Variants in ABCD4 observed in about 807,000 individuals in gnomAD.
ABCD4 encodes the protein ATP binding cassette subfamily D member 4.
A neutral mutation model predicts 86.3 loss-of-function variants in ABCD4; 53 were observed. The observed-to-expected ratio is 0.61, with a 90% CI of 0.49 to 0.77. ABCD4 has a LOEUF of 0.77. Among genes scored for constraint, ABCD4 ranks in the 30% least tolerant of loss-of-function variants. ABCD4 has a pLI of 0.00. For synonymous variants in ABCD4, 328 were observed against 313.6 expected (o/e 1.05, Z -0.49); for missense variants, 757 against 764.5 (o/e 0.99, Z 0.12).
At chr14:74,292,201 G>A in intron 11 of ABCD4, 86 bp downstream of exon 11, 5 of 1,266,342 alleles carry the variant, frequency 3.9e-6, no homozygotes, top group Non-Finnish European at 5.7e-6. Flanking sequence ...TGCCCAGCTG[G>A]GAAAGGGCAG....
intron 13 of ABCD4, chr14:74,289,779 T>C: frequency 7.0e-7 from 1 of 1,436,088 alleles, no homozygotes; most frequent in Non-Finnish European, 9.1e-7. Flanking sequence ...GTGTTTGACA[T>C]ACGCGTGTGG....
chr14:74,288,127 T>C (rs2080339314), intron 16 of ABCD4, 80 bp downstream of exon 16: 1 of 1,497,448 alleles, frequency 6.7e-7, no homozygotes, highest in South Asian at 1.2e-5. Flanking sequence ...TCAGGAGCCG[T>C]TCCATTCCTT....
Position 74,298,597 on chromosome 14 carries a change from C to T in ABCD4, c.286-528G>A, listed in dbSNP as rs555994513. ...CCTTCACCAAATATTAAAGGGCTTA[C>T]CAGAGGCAAGACCCTCTTTCTACAC... On this transcript the variant is annotated intron_variant, in intron 3 of 18. Transcript: ENST00000356924. Among the ~76,000 whole-genome samples the T allele has an allele frequency of 1.4e-4, 21 of 152,200 alleles. 1 individual carries two copies. The highest frequency in any genetic ancestry group is 3.9e-4 in the African/African-American group (16 of 41,536).
chr14:74,302,750 C>A, intron 1 of ABCD4, 125 bp downstream of exon 1: 1 of 1,164,178 alleles, frequency 8.6e-7, no homozygotes, highest in South Asian at 1.9e-5. Flanking sequence ...TCCTCTTTCT[C>A]TCAGAAGTCA....
intron 2 of ABCD4, chr14:74,299,896 T>C: frequency 1.7e-6 from 1 of 580,122 alleles, no homozygotes; most frequent in Non-Finnish European, 3.0e-6. Flanking sequence ...ACCCTGTCTT[T>C]ACTGAAAAAT....
At chr14:74,294,987 AGGCAGGCAAG>A in intron 7 of ABCD4, 151 bp downstream of exon 7, 1 of 799,310 alleles carries the variant, frequency 1.3e-6, no homozygotes, top group Admixed American at 2.4e-5. Flanking sequence ...CCTAAGGATG[AGGCAGGCAAG>A]GGCAGGGGGA....
chr14:74,300,434 G>A (rs926355843), intron 1 of ABCD4, among the ~76,000 whole-genome samples, 166 bp from the exon 2 acceptor site: 2 of 151,632 alleles, frequency 1.3e-5, no homozygotes, highest in Non-Finnish European at 2.9e-5. Context: ...CGGATACAAA[G>A]GAAATTCTTT....
chr14:74,289,920 C>A (rs1244915732), intron 13 of ABCD4, 107 bp downstream of exon 13: 2 of 1,570,772 alleles, frequency 1.3e-6, no homozygotes, highest in Non-Finnish European at 1.7e-6. Context: ...CACCACCTCA[C>A]CTTTTGCCCT....
chr14:74,292,585 T>A lies in ABCD4; in HGVS notation c.994A>T (p.Thr332Ser), dbSNP rs753856088. Residue 332 changes from threonine (T) to serine (S), a missense_variant, in exon 10 of 19, where the codon ACG (threonine) becomes TCG (serine). Transcript: ENST00000356924. ...SCFTQLIDLS[T>S]TLSDVAGYTH... ...TAGCCAGCCACATCTGAGAGCGTCG[T>A]GGACAGGTCGATGAGCTGGGTGAAG... is the stretch of plus-strand genomic sequence containing the variant. 3.1e-6 allele frequency: 5 copies of A among 1,614,048 alleles called. No homozygotes were observed. The Admixed American group carries it at 6.7e-5, about 22-fold the overall frequency.
In ABCD4 at chr14:74,285,997, T is replaced by G. The variant is rs2079665112; in HGVS notation, c.*464A>C. On this transcript the variant is annotated 3_prime_UTR_variant, in exon 19 of 19. Coordinates refer to ENST00000356924, the MANE Select transcript of ABCD4 (RefSeq NM_005050.4). ...AGAGAAGACAGAAAGCTGTAATTCT[T>G]TTTAATGTTTAACTTTTCTTTGTAA... 1 of 153,758 alleles carries G rather than the reference T, an allele frequency of 6.5e-6. No homozygotes were observed. The highest frequency in any genetic ancestry group is 1.4e-5 in the Non-Finnish European group (1 of 69,182). The allele number at this position is 153,758 out of a possible 1,614,324, so 9.5% of individuals were successfully genotyped here.
rs1333962311 is a variant in ABCD4 at position 74,290,838 on chromosome 14, C to T, written c.1119-339G>A. ...TAGCTGGATTACAGGTGCCCACCAC[C>T]GTGCCCATATTTTTAGTAGAGACAG... is the stretch of plus-strand genomic sequence containing the variant. On this transcript the variant is annotated intron_variant, in intron 11 of 18. Coordinates refer to ENST00000356924, the MANE Select transcript of ABCD4 (RefSeq NM_005050.4). Among the ~76,000 whole-genome samples the T allele has an allele frequency of 2.6e-5, 4 of 152,030 alleles. 1 individual carries two copies. The highest frequency in any genetic ancestry group is 5.9e-5 in the Non-Finnish European group (4 of 67,964).
Position 74,286,315 on chromosome 14 carries a change from G to A in ABCD4, c.*146C>T. ...CTAGACCTGGGCTCAGCCCACCACT[G>A]CTAGGGGTCCTGCACAGGACCCATG... On this transcript the variant is annotated 3_prime_UTR_variant, in exon 19 of 19. Transcript: ENST00000356924. 2 of 791,064 alleles carry A rather than the reference G, an allele frequency of 2.5e-6. No homozygotes were observed. The highest frequency in any genetic ancestry group is 4.2e-6 in the Non-Finnish European group (2 of 481,918). The allele number at this position is 791,064 out of a possible 1,614,324, so 49.0% of individuals were successfully genotyped here. A position where few individuals can be genotyped will look rare whatever the true frequency, so the allele number is the denominator to read the frequency against.
At position 74,286,048 on chromosome 14, in the gene ABCD4, T is replaced by A. The variant is rs1667565232; in HGVS notation, c.*413A>T. 1 of 156,196 alleles carries A rather than the reference T, an allele frequency of 6.4e-6. No individual in the cohort carries two copies. Among genetic ancestry groups the A allele is most frequent in the African/African-American group, 2.4e-5 (1 of 41,598 alleles). The allele number at this position is 156,196 out of a possible 1,614,324, so 9.7% of individuals were successfully genotyped here. ...AAAACTTATTAAAAAACTTAAATGG[T>A]CAGTTAAAGTTAAAAATCTATTGCT... On this transcript the variant is annotated 3_prime_UTR_variant, in exon 19 of 19. Transcript: ENST00000356924.
chr14:74,287,540 T>G (rs1594799737), intron 17 of ABCD4, among the ~76,000 whole-genome samples: 1 of 99,828 alleles, frequency 1.0e-5, no homozygotes, highest in African/African-American at 3.8e-5. Flanking sequence ...GGTGACAGAG[T>G]GAGACTGTCT....
chr14:74,298,170 CACTCTG>C (rs1306434180), intron 3 of ABCD4, 101 bp from the exon 4 acceptor site: 2 of 1,516,002 alleles, frequency 1.3e-6, no homozygotes, highest in African/African-American at 1.4e-5. Flanking sequence ...CATCCCAGCC[CACTCTG>C]ACTCTGATTA....
At chr14:74,289,978 G>C (rs1429730362) in intron 13 of ABCD4, 49 bp downstream of exon 13, 1 of 1,612,796 alleles carries the variant, frequency 6.2e-7, no homozygotes, top group African/African-American at 1.3e-5. Context: ...CCCAGCTGTG[G>C]GTGGGCGGGG....
chr14:74,288,204 T>A lies in ABCD4; in HGVS notation c.1559+3A>T. Reference sequence around the variant, plus strand: ...CTCTGGAGCACCCAAGCTCTTTTCTTACCAGTTCCAGTCCACCTGCTGGTC... The same window carrying A: ...CTCTGGAGCACCCAAGCTCTTTTCTAACCAGTTCCAGTCCACCTGCTGGTC... On this transcript the variant is annotated splice_donor_region_variant and intron_variant, in intron 16 of 18. Transcript: ENST00000356924. 1.2e-6 allele frequency: 2 copies of A among 1,612,314 alleles called. No homozygotes were observed. Among genetic ancestry groups the A allele is most frequent in the East Asian group, 4.5e-5 (2 of 44,860 alleles).
rs749168282 is a variant in ABCD4 at position 74,290,428 on chromosome 14, G to C, written c.1190C>G (p.Pro397Arg). The change falls in exon 12 of 19, where the codon CCC (proline) becomes CGC (arginine). Residue 397 changes from proline to arginine, a missense_variant. By Grantham distance (103) the Pro-to-Arg change is moderately radical. Transcript: ENST00000356924. ...FLLERVSISA[P>R]SSDKPLIKDL... ...CTTGATTAGGGGTTTGTCAGAGGAG[G>C]GGGCAGAGATGGAGACCCGCTCAAG... The C allele has an allele frequency of 3.7e-6, 6 of 1,613,972 alleles. No individual in the cohort carries two copies. The highest frequency in any genetic ancestry group is 3.3e-5 in the Admixed American group (2 of 59,982).
chr14:74,287,976 T>C, intron 16 of ABCD4, 90 bp from the exon 17 acceptor site: 1 of 1,277,380 alleles, frequency 7.8e-7, no homozygotes, highest in Non-Finnish European at 1.1e-6. Context: ...GAGGTTTCTC[T>C]GCACAGAGGT....
Sources: gnomAD v4.1 joint callset for allele counts (sites outside exome capture counted in the v4.1 genomes callset) on GRCh38, gnomAD v4.1.1 for gene constraint, MANE v1.5 for transcripts, NCBI Gene and HGNC (gene_info 2026-07-23, HGNC 2026-07-21) for gene names.